IQANK1: variants seen among roughly 807,000 people sequenced by gnomAD.
The protein encoded by IQANK1 is IQ motif and ankyrin repeat containing 1, also known as IQ motif and ankyrin repeat domain-containing protein 1.
Under a neutral mutation model 22.6 loss-of-function variants are expected in IQANK1, and 30 were observed. The observed-to-expected ratio is 1.33, with a 90% CI of 0.99 to 1.80. The LOEUF is 1.80. Among genes scored for constraint, IQANK1 ranks in the 40% most tolerant of loss-of-function variants. IQANK1 has a pLI of 0.00. For synonymous variants in IQANK1, 122 were observed against 99.6 expected, an observed-to-expected ratio of 1.23 and a Z score of -1.34; for missense variants, 275 against 235.2, an observed-to-expected ratio of 1.17 and a Z score of -1.11.
chr8:143,756,202 C>T (rs985772993), intron 3 of IQANK1, among the ~76,000 whole-genome samples: 1 of 152,212 alleles, frequency 6.6e-6, no homozygotes, highest in Non-Finnish European at 1.5e-5. Context: ...TTAACTACCA[C>T]CAGGAACTAA....
chr8:143,779,357 G>T (rs1554630754), intron 7 of IQANK1, among the ~76,000 whole-genome samples: 1 of 152,110 alleles, frequency 6.6e-6, no homozygotes, highest in African/African-American at 2.4e-5. Context: ...CCCCAGTATT[G>T]GTTGACCACG....
chr8:143,738,301 C>T (rs782618137), intron 2 of IQANK1, among the ~76,000 whole-genome samples: 8 of 152,180 alleles, frequency 5.3e-5, no homozygotes, highest in Non-Finnish European at 7.4e-5. Context: ...ATGGACCAGC[C>T]GGCCTCAGGC....
At position 143,751,006 on chromosome 8, in the gene IQANK1, CT is replaced by C. The variant is rs1262065757; in HGVS notation, c.175+11061del. Among the ~76,000 whole-genome samples, 3 of 150,090 alleles carry C rather than the reference CT, an allele frequency of 2.0e-5. No homozygotes were observed. The East Asian group carries it at 5.9e-4, about 29-fold the overall frequency. On this transcript the variant is annotated intron_variant, in intron 3 of 13. Transcript: ENST00000527139. ...AATGTTTCAATTTCTTCCTCAATTCCTTTGGTATATATTCTATAGGTTTTCT... is the reference window on the plus strand; with the variant it reads ...AATGTTTCAATTTCTTCCTCAATTCCTTGGTATATATTCTATAGGTTTTCT...
At chr8:143,740,887 G>T (rs370089164) in intron 3 of IQANK1, among the ~76,000 whole-genome samples, 4 of 152,368 alleles carry the variant, frequency 2.6e-5, no homozygotes, top group Admixed American at 6.5e-5. Context: ...GCACCTCCGC[G>T]GAAGGCCCCG....
intron 7 of IQANK1, among the ~76,000 whole-genome samples, chr8:143,782,076 T>C (rs1412326927): frequency 6.6e-6 from 1 of 152,210 alleles, no homozygotes; most frequent in Admixed American, 6.5e-5. Context: ...TTTGTGGCAA[T>C]TGTGAATGGG....
Position 143,767,751 on chromosome 8 carries a change from G to A in IQANK1, c.176-3737G>A, listed in dbSNP as rs186542431. ...TTTGAAGAATGAATCTGAGTGTGGT[G>A]GTGTATACCTGTGGTCTTGGCTACT... On this transcript the variant is annotated intron_variant, in intron 3 of 13. Coordinates refer to ENST00000527139, the MANE Select transcript of IQANK1 (RefSeq NM_001381874.1). Among the ~76,000 whole-genome samples, 170 of 151,876 alleles carry A rather than the reference G, an allele frequency of 1.1e-3. No individual in the cohort carries two copies. In the Middle Eastern group the frequency reaches 0.024, roughly 21 times the overall value.
chr8:143,766,331 A>G (rs1306390136), intron 3 of IQANK1, among the ~76,000 whole-genome samples: 2 of 152,008 alleles, frequency 1.3e-5, no homozygotes, highest in Non-Finnish European at 2.9e-5. Context: ...ACCTTCTCCC[A>G]CTCACTGGCA....
At position 143,771,387 on chromosome 8, in the gene IQANK1, T is replaced by A. The variant is rs1554629726; in HGVS notation, c.176-101T>A. The A allele has an allele frequency of 6.6e-6, 2 of 304,834 alleles. No individual in the cohort carries two copies. The highest frequency in any genetic ancestry group is 1.0e-5 in the Non-Finnish European group (2 of 191,994). 18.9% of individuals were successfully genotyped at this position (304,834 alleles called of 1,614,324 possible). A position where few individuals can be genotyped will look rare whatever the true frequency, so the allele number is the denominator to read the frequency against. On this transcript the variant is annotated intron_variant, in intron 3 of 13. Transcript: ENST00000527139. The surrounding 1 kb of genome is among the most constrained non-coding windows in gnomAD (Gnocchi z 6.0). ...GCTTTGAGAGCCGTTTGGGTCCTTC[T>A]GTCGGGGCGGGGGCGGGGGCGGGGC...
At chr8:143,789,094 G>A (rs1819955306) in intron 8 of IQANK1, 31 bp downstream of exon 8, 4 of 401,636 alleles carry the variant, frequency 1.0e-5, no homozygotes. Flanking sequence ...GCTGGCGAGG[G>A]GTGCTGGCAA....
chr8:143,749,977 A>G (rs1313487387), intron 3 of IQANK1, among the ~76,000 whole-genome samples: 1 of 150,450 alleles, frequency 6.6e-6, no homozygotes, highest in Non-Finnish European at 1.5e-5. Context: ...TCTCTTGTGA[A>G]CTTTTTTTTA....
chr8:143,750,052 T>TGG (rs1256445233), intron 3 of IQANK1, among the ~76,000 whole-genome samples: 1 of 152,128 alleles, frequency 6.6e-6, no homozygotes, highest in Non-Finnish European at 1.5e-5. Context: ...TTGCCCAGGC[T>TGG]GGAGTGCAAT....
At chr8:143,751,375 G>C (rs985688995) in intron 3 of IQANK1, among the ~76,000 whole-genome samples, 5 of 151,970 alleles carry the variant, frequency 3.3e-5, no homozygotes, top group Non-Finnish European at 5.9e-5. Context: ...ACTTTGGGAG[G>C]CCAAGATCGG....
rs545217219 is a variant in IQANK1 at position 143,748,758 on chromosome 8, AATAT to A, written c.175+8816_175+8819del. ...TAAATATATAAATATATATCATATA[AATAT>A]ATATAATATATAAATATATCATATA... On this transcript the variant is annotated intron_variant, in intron 3 of 13. Transcript: ENST00000527139. Among the ~76,000 whole-genome samples, 41 of 110,968 alleles carry A rather than the reference AATAT, an allele frequency of 3.7e-4. 1 individual carries two copies. The South Asian group carries it at 0.011, about 29-fold the overall frequency. 72.8% of individuals were successfully genotyped at this position (110,968 alleles called of 152,430 possible).
At chr8:143,780,362 A>G (rs904151200) in intron 7 of IQANK1, among the ~76,000 whole-genome samples, 1 of 152,138 alleles carries the variant, frequency 6.6e-6, no homozygotes, top group African/African-American at 2.4e-5. Flanking sequence ...TTGGGGGTAC[A>G]TGTGAAGGTT....
intron 7 of IQANK1, among the ~76,000 whole-genome samples, chr8:143,776,575 A>T (rs921151229): frequency 7.2e-5 from 11 of 152,076 alleles, no homozygotes; most frequent in Non-Finnish European, 1.6e-4. Flanking sequence ...AGGAAGGGGG[A>T]ACGTAGACAG....
At chr8:143,739,412 G>A (rs938199997) in intron 2 of IQANK1, 15 of 157,978 alleles carry the variant, frequency 9.5e-5, no homozygotes, top group Non-Finnish European at 1.7e-4. Flanking sequence ...AGTCCCAGAA[G>A]CTCAGGAGCA....
intron 7 of IQANK1, among the ~76,000 whole-genome samples, chr8:143,773,532 C>A (rs1488940656): frequency 1.3e-5 from 2 of 152,028 alleles, no homozygotes; most frequent in African/African-American, 4.8e-5. Context: ...CATTATGTTC[C>A]CCCACCCCAC....
chr8:143,788,743 G>A (rs919519849), intron 7 of IQANK1, among the ~76,000 whole-genome samples, 172 bp from the exon 8 acceptor site: 12 of 152,220 alleles, frequency 7.9e-5, no homozygotes, highest in Non-Finnish European at 1.5e-4. Context: ...TTTGGGGACA[G>A]CAGCCCCACA....
At chr8:143,739,380 G>C (rs1225641861) in intron 2 of IQANK1, 1 of 153,582 alleles carries the variant, frequency 6.5e-6, no homozygotes, top group Non-Finnish European at 1.4e-5. Flanking sequence ...CTGAAGCAGT[G>C]CTCCTGCTCC....
Sources: gnomAD v4.1 joint callset for allele counts (sites outside exome capture counted in the v4.1 genomes callset) on GRCh38, gnomAD v4.1.1 for gene constraint, Gnocchi (gnomAD v3.1) non-coding constraint, MANE v1.5 for transcripts, NCBI Gene and HGNC (gene_info 2026-07-23, HGNC 2026-07-21) for gene names.